Variants in FBXO27 observed in about 807,000 individuals in gnomAD.
FBXO27 encodes the protein F-box protein 27.
A neutral mutation model predicts 28.3 loss-of-function variants in FBXO27; 28 were observed. That is an observed-to-expected ratio of 0.99 (90% CI 0.73 to 1.36). FBXO27 has a LOEUF of 1.36. Among genes scored for constraint, FBXO27 ranks in the 40% most tolerant of loss-of-function variants. The probability of loss-of-function intolerance (pLI) is 0.00; values close to 1 mark genes in which losing one functional copy is unlikely to be tolerated. For synonymous variants in FBXO27, 175 were observed against 167.3 expected, an observed-to-expected ratio of 1.05 and a Z score of -0.36; for missense variants, 388 against 394.1, an observed-to-expected ratio of 0.98 and a Z score of 0.13.
downstream of FBXO27, among the ~76,000 whole-genome samples, chr19:39,019,162 C>T (rs79473149): frequency 0.12 from 17,420 of 150,494 alleles, 1,155 homozygotes; most frequent in African/African-American, 0.15. Flanking sequence ...CGGTAGCTCA[C>T]GCCTGTAATC....
Position 39,025,402 on chromosome 19 carries a change from A to C in FBXO27, c.*9T>G. 1 of 1,610,012 alleles carries C rather than the reference A, an allele frequency of 6.2e-7. No individual in the cohort carries two copies. Among genetic ancestry groups the C allele is most frequent in the Non-Finnish European group, 8.5e-7 (1 of 1,177,696 alleles). ...AGTCAGGCTGTCTTGCAAGAAGGGT[A>C]GTGCTGGACTAGGACAGACGGACTC... On this transcript the variant is annotated 3_prime_UTR_variant, in exon 6 of 6. Coordinates refer to ENST00000292853, the MANE Select transcript of FBXO27 (RefSeq NM_178820.5).
rs201987206 is a variant in FBXO27, at chr19:39,031,976, G to T, written c.252C>A (p.His84Gln). The stretch of plus-strand genomic sequence containing the variant: ...CGGGAGACTGGCAGCTGCGGGCGAG[G>T]TGCAGCAGCGCGCGGCCGGTGGCGC... ...DHGATGRALL[H>Q]LARSCQSPAR... Residue 84 changes from histidine to glutamine, a missense_variant, in exon 2 of 6, where the codon CAC becomes CAA. His to Gln is a conservative substitution (Grantham distance 24). Transcript: ENST00000292853. 1 of 1,525,094 alleles carries T rather than the reference G, an allele frequency of 6.6e-7. No homozygotes were observed. The highest frequency in any genetic ancestry group is 8.7e-7 in the Non-Finnish European group (1 of 1,146,720). The allele number at this position is 1,525,094 out of a possible 1,614,324, so 94.5% of individuals were successfully genotyped here. A position where few individuals can be genotyped will look rare whatever the true frequency, so the allele number is the denominator to read the frequency against.
At chr19:39,007,371 C>T (rs1466392544) in intron 2 of FBXO27, among the ~76,000 whole-genome samples, 1 of 152,190 alleles carries the variant, frequency 6.6e-6, no homozygotes, top group East Asian at 1.9e-4. Context: ...GCTGGGCGTT[C>T]TGGTGGAATA....
At chr19:39,015,732 A>G (rs1600223790) in intron 1 of FBXO27, among the ~76,000 whole-genome samples, 2 of 152,194 alleles carry the variant, frequency 1.3e-5, no homozygotes, top group African/African-American at 4.8e-5. Context: ...GCATGATTCC[A>G]TCAATATGAC....
At chr19:39,028,366 T>C (rs2144901751) in intron 4 of FBXO27, among the ~76,000 whole-genome samples, 1 of 152,328 alleles carries the variant, frequency 6.6e-6, no homozygotes, top group East Asian at 1.9e-4. Flanking sequence ...TGGGAGCCAC[T>C]GATTATCACA....
downstream of FBXO27, among the ~76,000 whole-genome samples, chr19:39,023,324 C>CT (rs752462705): frequency 3.3e-5 from 5 of 152,120 alleles, no homozygotes; most frequent in Non-Finnish European, 7.4e-5. Context: ...TTATCTTATT[C>CT]TTTTTTTCCC....
At chr19:39,007,976 T>C (rs2072777274) in intron 2 of FBXO27, among the ~76,000 whole-genome samples, 1 of 152,130 alleles carries the variant, frequency 6.6e-6, no homozygotes, top group Admixed American at 6.6e-5. Context: ...TTAAAAATGT[T>C]TTATTGGCTA....
At chr19:39,010,142 A>C (rs920057944) in intron 2 of FBXO27, among the ~76,000 whole-genome samples, 1 of 41,638 alleles carries the variant, frequency 2.4e-5, no homozygotes. Flanking sequence ...GGTTAAATTT[A>C]CTTTTTTTTT....
chr19:39,032,003 G>A lies in FBXO27; in HGVS notation c.225C>T (p.His75=), dbSNP rs1258940435. 1 of 1,515,424 alleles carries A rather than the reference G, an allele frequency of 6.6e-7. No homozygotes were observed. Among genetic ancestry groups the A allele is most frequent in the South Asian group, 1.3e-5 (1 of 79,178 alleles). 93.9% of individuals were successfully genotyped at this position (1,515,424 alleles called of 1,614,324 possible). A position where few individuals can be genotyped will look rare whatever the true frequency, so the allele number is the denominator to read the frequency against. ...GCAGCAGCGCGCGGCCGGTGGCGCC[G>A]TGGTCGCGGGCCAGGATCAGCAGCC... ...ALWLLILARD[H]GATGRALLHL... Residue 75 remains histidine (H), a synonymous_variant, in exon 2 of 6, where the codon CAC becomes CAT. Transcript: ENST00000292853. The surrounding 1 kb of genome is among the most constrained non-coding windows in gnomAD (Gnocchi z 4.7).
At chr19:39,016,375 T>C (rs955725001) in intron 1 of FBXO27, among the ~76,000 whole-genome samples, 3 of 150,512 alleles carry the variant, frequency 2.0e-5, no homozygotes, top group East Asian at 1.9e-4. Flanking sequence ...TGTGTGTGTG[T>C]GCGTGAGGGG....
chr19:39,009,460 CTTT>C (rs1296405341), intron 2 of FBXO27, among the ~76,000 whole-genome samples: 1 of 152,056 alleles, frequency 6.6e-6, no homozygotes, highest in Admixed American at 6.6e-5. Flanking sequence ...CTGTTTTCTT[CTTT>C]TTTTCTTTTT....
In FBXO27 at chr19:39,024,618, G is replaced by C. The variant is rs1019620246; in HGVS notation, c.*793C>G. The C allele has an allele frequency of 6.6e-6, 1 of 152,278 alleles. No individual in the cohort carries two copies. The highest frequency in any genetic ancestry group is 2.1e-4 in the South Asian group (1 of 4,832). The allele number at this position is 152,278 out of a possible 1,614,324, so 9.4% of individuals were successfully genotyped here. A position where few individuals can be genotyped will look rare whatever the true frequency, so the allele number is the denominator to read the frequency against. On this transcript the variant is annotated 3_prime_UTR_variant, in exon 6 of 6. Coordinates refer to ENST00000292853, the MANE Select transcript of FBXO27 (RefSeq NM_178820.5). ...GTTCACTGCAGCCTCTGCCTCCCGG[G>C]CTCAAGCAATTCTCCTGCCTCAGCC... is the stretch of plus-strand genomic sequence containing the variant.
chr19:39,023,625 T>C (rs1409395552), downstream of FBXO27, among the ~76,000 whole-genome samples: 1 of 151,878 alleles, frequency 6.6e-6, no homozygotes, highest in African/African-American at 2.4e-5. Context: ...TTTTTTTTTT[T>C]TAATTTGAGA....
chr19:39,006,349 G>C (rs111536239), intron 2 of FBXO27, among the ~76,000 whole-genome samples: 14,188 of 152,066 alleles, frequency 0.093, 876 homozygotes, highest in Non-Finnish European at 0.13. Context: ...CCTGAGGTTG[G>C]GAGTTCGAGA....
rs370849911 is a variant in FBXO27 at position 39,026,993 on chromosome 19, T to A, written c.585A>T (p.Arg195=). The A allele has an allele frequency of 6.2e-7, 1 of 1,614,026 alleles. No homozygotes were observed. The highest frequency in any genetic ancestry group is 1.3e-5 in the African/African-American group (1 of 74,930). Residue 195 remains arginine, a synonymous_variant, in exon 5 of 6, where the codon CGA becomes CGT. Coordinates refer to ENST00000292853, the MANE Select transcript of FBXO27 (RefSeq NM_178820.5). ...GTCTGTACATACAGCCGCTGTCGTG[T>A]CGGGCTCCCCACCTGTGGGAGGAAG... ...EICVSDWWGA[R]HDSGCMYRLL... is the part of the protein sequence containing the mutation.
At chr19:39,021,150 G>T (rs2144892171), downstream of FBXO27, among the ~76,000 whole-genome samples, 1 of 152,248 alleles carries the variant, frequency 6.6e-6, no homozygotes, top group Non-Finnish European at 1.5e-5. Context: ...CTGGCCAGAA[G>T]ATGTTAACTG....
chr19:39,015,167 AC>A (rs759911595), intron 1 of FBXO27, among the ~76,000 whole-genome samples: 3 of 151,182 alleles, frequency 2.0e-5, no homozygotes, highest in Non-Finnish European at 4.4e-5. Context: ...AAATAAAAAA[AC>A]ATTAGTTGAA....
At chr19:39,010,217 G>A (rs751799883) in intron 2 of FBXO27, among the ~76,000 whole-genome samples, 5 of 151,400 alleles carry the variant, frequency 3.3e-5, no homozygotes, top group African/African-American at 1.2e-4. Flanking sequence ...ATCATAAAGA[G>A]ATATCCCTGT....
Position 39,024,991 on chromosome 19 carries a change from A to C in FBXO27, c.*420T>G. ...AGTTGAGGGCTTCCCTGAAGGGACC[A>C]AGGAAGTCCCTGTGGCAGAAACAAC... On this transcript the variant is annotated 3_prime_UTR_variant, in exon 6 of 6. Transcript: ENST00000292853. 6.0e-6 allele frequency: 1 copy of C among 166,768 alleles called. No homozygotes were observed. Among genetic ancestry groups the C allele is most frequent in the Non-Finnish European group, 1.3e-5 (1 of 76,448 alleles). The allele number at this position is 166,768 out of a possible 1,614,324, so 10.3% of individuals were successfully genotyped here.
Sources: allele counts gnomAD v4.1 joint callset (sites outside exome capture counted in the v4.1 genomes callset), GRCh38; gene constraint gnomAD v4.1.1; non-coding constraint Gnocchi (gnomAD v3.1); transcripts MANE v1.5; gene names NCBI Gene and HGNC (gene_info 2026-07-23, HGNC 2026-07-21).